The following FBXL17 variants were observed in gnomAD, a reference collection of about 807,000 sequenced individuals.
The protein encoded by FBXL17 is F-box/LRR-repeat protein 17.
FBXL17 carries 22 observed loss-of-function variants against 66.2 expected under a neutral mutation model. The observed-to-expected ratio is 0.33, with a 90% CI of 0.24 to 0.47. The LOEUF (loss-of-function observed/expected upper bound fraction) is 0.47. Among genes scored for constraint, FBXL17 ranks in the 20% least tolerant of loss-of-function variants. The pLI, the probability that FBXL17 is intolerant of heterozygous loss-of-function variation, is 1.00. For synonymous variants in FBXL17, 474 were observed against 400.5 expected (o/e 1.18, Z -2.19); for missense variants, 878 against 948.2 (o/e 0.93, Z 0.97).
At chr5:108,289,366 T>C (rs1218496135) in intron 4 of FBXL17, among the ~76,000 whole-genome samples, 1 of 152,128 alleles carries the variant, frequency 6.6e-6, no homozygotes, top group African/African-American at 2.4e-5. Flanking sequence ...GTTCTAATAT[T>C]TGGTGTTAAA....
chr5:108,285,390 A>G (rs1757859562), intron 4 of FBXL17, among the ~76,000 whole-genome samples: 1 of 151,872 alleles, frequency 6.6e-6, no homozygotes, highest in Non-Finnish European at 1.5e-5. Flanking sequence ...ACTTTGCCAA[A>G]GAGGAATCAC....
At chr5:107,992,093 T>A in intron 7 of FBXL17, among the ~76,000 whole-genome samples, 1 of 58,722 alleles carries the variant, frequency 1.7e-5, no homozygotes, top group South Asian at 5.2e-4. Context: ...ATTAATTGTG[T>A]GTGTGTGTGT....
intron 7 of FBXL17, among the ~76,000 whole-genome samples, chr5:107,908,995 G>C (rs1460165971): frequency 6.6e-6 from 1 of 152,150 alleles, no homozygotes; most frequent in African/African-American, 2.4e-5. Flanking sequence ...CGTCGTGATA[G>C]ATTGTGCCCC....
Position 108,021,001 on chromosome 5 carries a change from C to T in FBXL17, c.1746G>A (p.Arg582=), listed in dbSNP as rs761488736. 1.9e-6 allele frequency: 3 copies of T among 1,608,328 alleles called. No individual in the cohort carries two copies. The highest frequency in any genetic ancestry group is 2.6e-6 in the Non-Finnish European group (3 of 1,175,634). The change falls in exon 7 of 9, where the codon AGG becomes AGA. Residue 582 remains arginine, a splice_region_variant and synonymous_variant. Coordinates refer to ENST00000542267, the MANE Select transcript of FBXL17 (RefSeq NM_001163315.3). ...CTTCCTTTGCAATGACCTCCACACACCTGAAACATACAAAAAGTGGTTATA... is the reference window on the plus strand; with the variant it reads ...CTTCCTTTGCAATGACCTCCACACATCTGAAACATACAAAAAGTGGTTATA... The part of the protein sequence containing the change: ...NLCLNWIIND[R]CVEVIAKEGQ...
At chr5:107,999,452 AACACACACACAC>A (rs55900474) in intron 7 of FBXL17, among the ~76,000 whole-genome samples, 1 of 144,432 alleles carries the variant, frequency 6.9e-6, no homozygotes, top group East Asian at 2.0e-4. Context: ...TTTTGTCAGA[AACACACACACAC>A]ACACACACAC....
intron 6 of FBXL17, among the ~76,000 whole-genome samples, chr5:108,057,719 G>T (rs1015659102): frequency 6.6e-6 from 1 of 152,102 alleles, no homozygotes; most frequent in Non-Finnish European, 1.5e-5. Context: ...TCTTAAATCC[G>T]TCCTAAGGGA....
intron 4 of FBXL17, among the ~76,000 whole-genome samples, chr5:108,244,696 C>T (rs533372087): frequency 2.0e-5 from 3 of 152,210 alleles, no homozygotes; most frequent in East Asian, 1.9e-4. Context: ...CTCTCCAAAC[C>T]ATTAGAAACA....
Position 108,381,495 on chromosome 5 carries a change from T to A in FBXL17, c.197A>T (p.His66Leu). The A allele has an allele frequency of 7.2e-7, 1 of 1,387,358 alleles. No individual in the cohort carries two copies. The allele number at this position is 1,387,358 out of a possible 1,614,324, so 85.9% of individuals were successfully genotyped here. A position where few individuals can be genotyped will look rare whatever the true frequency, so the allele number is the denominator to read the frequency against. Residue 66 changes from histidine (H) to leucine (L), a missense_variant, in exon 1 of 9, where the codon CAC becomes CTC. His to Leu is a moderately conservative substitution (Grantham distance 99). Around this residue, in one of 4 missense-constraint regions of FBXL17, gnomAD observed 605 missense variants for 509.5 expected, o/e 1.19. Transcript: ENST00000542267. ...RGPCMLCFIV[H>L]SPGAPAPAGP... Reference sequence around the variant, plus strand: ...GGCGGGGGCGGGCGCGCCGGGACTGTGCACGATGAAGCAGAGCATGCAGGG... The same window carrying A: ...GGCGGGGGCGGGCGCGCCGGGACTGAGCACGATGAAGCAGAGCATGCAGGG...
chr5:107,941,028 A>T (rs1207494972), intron 7 of FBXL17, among the ~76,000 whole-genome samples: 1 of 152,184 alleles, frequency 6.6e-6, no homozygotes, highest in Non-Finnish European at 1.5e-5. Flanking sequence ...CTGCCATACA[A>T]ACAGCAAAAC....
In FBXL17 at chr5:108,368,058, T is replaced by A. The variant is rs976316560; in HGVS notation, c.994-105A>T. On this transcript the variant is annotated intron_variant, in intron 1 of 8. Transcript: ENST00000542267. ...AGTTAACTTTGTAAAAAGAAAACCTTCTTGAATAAAAGAGGCCATTATTGT... is the reference window on the plus strand; with the variant it reads ...AGTTAACTTTGTAAAAAGAAAACCTACTTGAATAAAAGAGGCCATTATTGT... 48 of 1,128,052 alleles carry A rather than the reference T, an allele frequency of 4.3e-5. No homozygotes were observed. In the African/African-American group the frequency reaches 7.1e-4, roughly 17 times the overall value. 69.9% of individuals were successfully genotyped at this position (1,128,052 alleles called of 1,614,324 possible). A position where few individuals can be genotyped will look rare whatever the true frequency, so the allele number is the denominator to read the frequency against.
intron 8 of FBXL17, among the ~76,000 whole-genome samples, chr5:107,876,308 T>C (rs1748611750): frequency 6.6e-6 from 1 of 152,178 alleles, no homozygotes; most frequent in Non-Finnish European, 1.5e-5. Context: ...CCCCAGACGC[T>C]GGCATTTTCA....
chr5:107,967,388 G>A (rs889703808), intron 7 of FBXL17, among the ~76,000 whole-genome samples: 9 of 151,930 alleles, frequency 5.9e-5, no homozygotes, highest in Non-Finnish European at 1.0e-4. Flanking sequence ...AATGTTGACA[G>A]CTAAGTTTAT....
At chr5:108,009,193 G>GAATATA (rs1754050341) in intron 7 of FBXL17, among the ~76,000 whole-genome samples, 1 of 30,712 alleles carries the variant, frequency 3.3e-5, no homozygotes, top group African/African-American at 1.5e-4. Context: ...CATTTGAAAA[G>GAATATA]CATATATATA....
At chr5:108,202,539 T>C (rs1753939203) in intron 5 of FBXL17, among the ~76,000 whole-genome samples, 1 of 152,140 alleles carries the variant, frequency 6.6e-6, no homozygotes, top group African/African-American at 2.4e-5. Context: ...CCAAGGGAGA[T>C]GCAATCCAAG....
chr5:108,165,017 C>T (rs554632130), intron 6 of FBXL17, among the ~76,000 whole-genome samples: 1 of 152,038 alleles, frequency 6.6e-6, no homozygotes, highest in South Asian at 2.1e-4. Flanking sequence ...ACACAGACAT[C>T]GAAATTCGAT....
At chr5:107,978,652 A>G (rs1752682024) in intron 7 of FBXL17, among the ~76,000 whole-genome samples, 1 of 152,128 alleles carries the variant, frequency 6.6e-6, no homozygotes, top group Non-Finnish European at 1.5e-5. Context: ...GTGCATGAGG[A>G]CCATTTTCCA....
chr5:108,369,278 A>C (rs1748874007), intron 1 of FBXL17, among the ~76,000 whole-genome samples: 1 of 152,216 alleles, frequency 6.6e-6, no homozygotes, highest in Non-Finnish European at 1.5e-5. Flanking sequence ...TCTTTTACCT[A>C]GCTATAACCC....
chr5:108,364,060 A>G (rs1457998373), intron 3 of FBXL17, among the ~76,000 whole-genome samples: 1 of 152,042 alleles, frequency 6.6e-6, no homozygotes, highest in Non-Finnish European at 1.5e-5. Flanking sequence ...TTCTTAATAT[A>G]TAAGTTGTAC....
intron 6 of FBXL17, among the ~76,000 whole-genome samples, chr5:108,176,955 A>G (rs1029243383): frequency 6.6e-6 from 1 of 152,178 alleles, no homozygotes; most frequent in African/African-American, 2.4e-5. Context: ...AGTAGAGATT[A>G]ATTTTGCCAA....
Sources: allele counts gnomAD v4.1 joint callset (sites outside exome capture counted in the v4.1 genomes callset), GRCh38; gene constraint gnomAD v4.1.1; regional missense constraint gnomAD v4.1.1; transcripts MANE v1.5; gene names NCBI Gene and HGNC (gene_info 2026-07-23, HGNC 2026-07-21).